Variants in NRCAM observed in about 807,000 individuals in gnomAD.
NRCAM encodes the protein neuronal cell adhesion molecule.
In NRCAM, 83 loss-of-function variants were observed where a neutral mutation model predicts 156.5. That is an observed-to-expected ratio of 0.53 (90% CI 0.44 to 0.64). The LOEUF (loss-of-function observed/expected upper bound fraction) is 0.64, where lower values mean the gene tolerates loss of function less well. Ranked by LOEUF, NRCAM falls within the 30% of genes least tolerant of loss-of-function variation. The pLI, the probability that NRCAM is intolerant of heterozygous loss-of-function variation, is 0.00. For missense variants in NRCAM, 1,417 were observed against 1,597.3 expected (o/e 0.89, Z 1.92); for synonymous variants, 538 against 563.9 (o/e 0.95, Z 0.65).
chr7:108,363,553 C>T (rs1279129612), intron 2 of NRCAM, among the ~76,000 whole-genome samples: 3 of 152,174 alleles, frequency 2.0e-5, no homozygotes, highest in Non-Finnish European at 4.4e-5. Context: ...CAGCCCAACC[C>T]TCTACTTCTT....
intron 11 of NRCAM, among the ~76,000 whole-genome samples, chr7:108,219,326 G>A (rs1179020060): frequency 6.6e-6 from 1 of 152,050 alleles, no homozygotes; most frequent in African/African-American, 2.4e-5. Flanking sequence ...ACCAGAAAGA[G>A]AGAACCCTCC....
intron 19 of NRCAM, 74 bp downstream of exon 19, chr7:108,191,180 A>G: frequency 2.4e-6 from 3 of 1,251,450 alleles, no homozygotes; most frequent in Non-Finnish European, 3.4e-6. Context: ...CATAGAAAAG[A>G]AAGTTATGAA....
Position 108,197,975 on chromosome 7 carries a change from G to T in NRCAM, c.1332C>A (p.Asn444Lys). The T allele has an allele frequency of 6.4e-7, 1 of 1,574,026 alleles. No homozygotes were observed. The highest frequency in any genetic ancestry group is 8.6e-7 in the Non-Finnish European group (1 of 1,162,952). Residue 444 changes from asparagine to lysine, a missense_variant, in exon 14 of 33, where the codon AAC becomes AAA. This residue lies in a region of NRCAM where 1,238 missense variants were observed against 1,336.4 expected (regional missense o/e 0.93). Coordinates refer to ENST00000379028, the MANE Select transcript of NRCAM (RefSeq NM_001037132.4). The stretch of plus-strand genomic sequence containing the variant: ...GCTTACCCAGCACATTTACAAATGC[G>T]TTTGCCAGTAAATATCCATATTCAT... ...ASNEYGYLLA[N>K]AFVNVLAEPP...
intron 26 of NRCAM, chr7:108,176,866 G>A (rs1021346212): frequency 2.5e-5 from 6 of 242,370 alleles, no homozygotes; most frequent in East Asian, 8.6e-5. Flanking sequence ...CTAGAAGAAT[G>A]TTGTGGTTGA....
chr7:108,442,152 T>C (rs934297379), intron 1 of NRCAM, among the ~76,000 whole-genome samples: 8 of 152,176 alleles, frequency 5.3e-5, no homozygotes, highest in African/African-American at 1.4e-4. Flanking sequence ...CCCCCTTTTT[T>C]TGATGAATTG....
intron 30 of NRCAM, among the ~76,000 whole-genome samples, chr7:108,161,672 T>A (rs913877112): frequency 6.6e-6 from 1 of 152,168 alleles, no homozygotes; most frequent in African/African-American, 2.4e-5. Context: ...ACTACGCATA[T>A]CCCAGGTTCA....
At chr7:108,276,824 A>C (rs1298165218) in intron 3 of NRCAM, among the ~76,000 whole-genome samples, 1 of 152,170 alleles carries the variant, frequency 6.6e-6, no homozygotes, top group Non-Finnish European at 1.5e-5. Flanking sequence ...CAGTTTCTTC[A>C]TAGCGTTGAT....
rs10266877 is a variant in NRCAM, at chr7:108,186,679, A to C, written c.2036-2065T>G. Among the ~76,000 whole-genome samples, 956 of 152,344 alleles carry C rather than the reference A, an allele frequency of 6.3e-3. 9 individuals carry two copies. Among genetic ancestry groups the C allele is most frequent in the African/African-American group, 0.022 (897 of 41,576 alleles). ...GAATTACCTAATGTTTTCAGGTATT[A>C]AGTAGCTAGGTTCATACATCTTTAT... is the stretch of plus-strand genomic sequence containing the variant. On this transcript the variant is annotated intron_variant, in intron 20 of 32. Transcript: ENST00000379028.
At chr7:108,342,312 G>T (rs2099294922) in intron 2 of NRCAM, among the ~76,000 whole-genome samples, 1 of 152,214 alleles carries the variant, frequency 6.6e-6, no homozygotes, top group African/African-American at 2.4e-5. Flanking sequence ...AATACTTAGG[G>T]CTAAAATTAT....
chr7:108,374,873 G>T (rs559116701), intron 2 of NRCAM, among the ~76,000 whole-genome samples: 1 of 152,220 alleles, frequency 6.6e-6, no homozygotes, highest in Admixed American at 6.5e-5. Context: ...TAATTTTCCT[G>T]CTCAGCAGTA....
intron 13 of NRCAM, among the ~76,000 whole-genome samples, chr7:108,201,245 A>T (rs115967515): frequency 0.041 from 6,202 of 150,078 alleles, 394 homozygotes; most frequent in African/African-American, 0.14. Context: ...CAGTGCTGGG[A>T]CTCTTCAGGG....
chr7:108,359,183 A>T (rs1238994471), intron 2 of NRCAM, among the ~76,000 whole-genome samples: 2 of 152,190 alleles, frequency 1.3e-5, no homozygotes, highest in African/African-American at 4.8e-5. Flanking sequence ...CCATCCATCC[A>T]TTTAATCAAT....
intron 1 of NRCAM, among the ~76,000 whole-genome samples, chr7:108,445,311 T>C (rs1351029425): frequency 1.3e-5 from 2 of 152,328 alleles, no homozygotes; most frequent in African/African-American, 2.4e-5. Context: ...CTTTAACATA[T>C]ATATTATCAT....
At chr7:108,248,373 T>A (rs1228206374) in intron 3 of NRCAM, among the ~76,000 whole-genome samples, 2 of 151,998 alleles carry the variant, frequency 1.3e-5, no homozygotes, top group African/African-American at 4.8e-5. Context: ...ATGAACCAGT[T>A]AGGGTAGGGA....
rs573737908 is a variant in NRCAM at position 108,415,919 on chromosome 7, G to A, written c.-331-16326C>T. 6.8e-4 allele frequency among the ~76,000 whole-genome samples: 103 copies of A among 152,304 alleles called. 1 individual carries two copies. The South Asian group carries it at 6.8e-3, about 10-fold the overall frequency. On this transcript the variant is annotated intron_variant, in intron 1 of 32. Coordinates refer to ENST00000379028, the MANE Select transcript of NRCAM (RefSeq NM_001037132.4). ...AAAAAAACAAAACCAAAAAGGAGAT[G>A]AGAGGGCTCCGTGGTTTCCACATGG...
At chr7:108,399,374 T>C (rs138467712) in intron 2 of NRCAM, 62 bp downstream of exon 2, 100 of 152,346 alleles carry the variant, frequency 6.6e-4, no homozygotes, top group African/African-American at 2.3e-3. Context: ...CAAGTAGATT[T>C]TGGAAGACAG....
At chr7:108,182,009 C>G in intron 23 of NRCAM, 72 bp from the exon 24 acceptor site, 2 of 1,210,694 alleles carry the variant, frequency 1.7e-6, no homozygotes, top group Non-Finnish European at 2.4e-6. Context: ...ATGACTCTCT[C>G]TAATAATTTT....
chr7:108,264,222 C>T (rs900307929), intron 3 of NRCAM, among the ~76,000 whole-genome samples: 6 of 152,236 alleles, frequency 3.9e-5, no homozygotes, highest in Admixed American at 6.5e-5. Flanking sequence ...ATGATCTGCC[C>T]GCTTTGGCTT....
rs556916182 is a variant in NRCAM at position 108,339,589 on chromosome 7, A to C, written c.-173-26858T>G. 3.9e-5 allele frequency among the ~76,000 whole-genome samples: 6 copies of C among 152,330 alleles called. No individual in the cohort carries two copies. The East Asian group carries it at 1.2e-3, about 29-fold the overall frequency. ...TGCTGGTAAAGGACCACTAGAATCC[A>C]GCAGTCCGAACCCCTTTCTTTGGGT... On this transcript the variant is annotated intron_variant, in intron 2 of 32. Coordinates refer to ENST00000379028, the MANE Select transcript of NRCAM (RefSeq NM_001037132.4).
Sources: gnomAD v4.1 joint callset for allele counts (sites outside exome capture counted in the v4.1 genomes callset) on GRCh38, gnomAD v4.1.1 for gene constraint, gnomAD v4.1.1 regional missense constraint, MANE v1.5 for transcripts, NCBI Gene and HGNC (gene_info 2026-07-23, HGNC 2026-07-21) for gene names.